ARHGAP42: variants seen among roughly 807,000 people sequenced by gnomAD.
The protein encoded by ARHGAP42 is rho GTPase-activating protein 42.
Under a neutral mutation model 125.0 loss-of-function variants are expected in ARHGAP42, and 63 were observed. The observed-to-expected ratio is 0.50, with a 90% CI of 0.41 to 0.62. ARHGAP42 has a LOEUF of 0.62. Ranked by LOEUF, ARHGAP42 falls within the 20% of genes least tolerant of loss-of-function variation. The pLI is 0.00. For missense variants in ARHGAP42, 766 were observed against 1,024.2 expected, an observed-to-expected ratio of 0.75 and a Z score of 3.44; for synonymous variants, 339 against 351.0, an observed-to-expected ratio of 0.97 and a Z score of 0.38.
At chr11:100,813,641 G>A (rs945353427) in intron 3 of ARHGAP42, among the ~76,000 whole-genome samples, 3 of 152,104 alleles carry the variant, frequency 2.0e-5, no homozygotes, top group African/African-American at 7.2e-5. Flanking sequence ...TCCAGGGTCC[G>A]CCATGTGGTT....
At chr11:100,781,343 G>A (rs993968844) in intron 2 of ARHGAP42, among the ~76,000 whole-genome samples, 1 of 151,794 alleles carries the variant, frequency 6.6e-6, no homozygotes, top group Non-Finnish European at 1.5e-5. Context: ...TGTTGGCTTG[G>A]TTTCCCAAAT....
chr11:100,952,120 A>G lies in ARHGAP42; in HGVS notation c.1162+2164A>G, dbSNP rs181134186. Among the ~76,000 whole-genome samples the G allele has an allele frequency of 4.3e-3, 658 of 152,300 alleles. 4 individuals are homozygous for G. Among genetic ancestry groups the G allele is most frequent in the Non-Finnish European group, 7.7e-3 (527 of 68,018 alleles). On this transcript the variant is annotated intron_variant, in intron 12 of 23. Transcript: ENST00000298815. ...TTTAATATTTGATTTATTTTAAGCC[A>G]TATTTTTACTTGAAGCCTGTTTTTA...
chr11:100,913,598 T>G, intron 5 of ARHGAP42, 45 bp downstream of exon 5: 1 of 1,083,298 alleles, frequency 9.2e-7, no homozygotes, highest in Non-Finnish European at 1.2e-6. Flanking sequence ...TTAAGTCATA[T>G]AAAGTCAAAA....
intron 1 of ARHGAP42, among the ~76,000 whole-genome samples, chr11:100,767,375 C>G (rs916534462): frequency 6.6e-6 from 1 of 152,168 alleles, no homozygotes; most frequent in Non-Finnish European, 1.5e-5. Context: ...AATTCTAACC[C>G]AGTTAATCTG....
chr11:100,731,281 C>T (rs995698188), intron 1 of ARHGAP42, among the ~76,000 whole-genome samples: 2 of 152,020 alleles, frequency 1.3e-5, no homozygotes, highest in Non-Finnish European at 2.9e-5. Flanking sequence ...GCCTCAGCCT[C>T]CCGAGTAGCT....
chr11:100,895,248 C>T (rs1866322474), intron 4 of ARHGAP42, among the ~76,000 whole-genome samples: 1 of 152,038 alleles, frequency 6.6e-6, no homozygotes. Context: ...CATTCATTCA[C>T]CAGTCCTTTT....
At position 100,927,202 on chromosome 11, in the gene ARHGAP42, T is replaced by C. The variant is rs188272967; in HGVS notation, c.597+5598T>C. Among the ~76,000 whole-genome samples, 24 of 152,342 alleles carry C rather than the reference T, an allele frequency of 1.6e-4. No homozygotes were observed. The East Asian group carries it at 3.7e-3, about 23-fold the overall frequency. ...AGCTTAAATAATTTTGAGATTGAAA[T>C]GCTACTGGCTAAGTCTTTTTTAAAA... On this transcript the variant is annotated intron_variant, in intron 6 of 23. Transcript: ENST00000298815.
Position 100,914,234 on chromosome 11 carries a change from C to T in ARHGAP42, c.486+681C>T, listed in dbSNP as rs139377382. Among the ~76,000 whole-genome samples, 91 of 152,216 alleles carry T rather than the reference C, an allele frequency of 6.0e-4. 2 individuals are homozygous for T. The East Asian group carries it at 0.013, about 21-fold the overall frequency. ...ACAGGCATGAACCACTGTGCCCCAC[C>T]GCTACATGTTTTAAAATCTCAATTA... On this transcript the variant is annotated intron_variant, in intron 5 of 23. Coordinates refer to ENST00000298815, the MANE Select transcript of ARHGAP42 (RefSeq NM_152432.4).
intron 9 of ARHGAP42, among the ~76,000 whole-genome samples, chr11:100,942,220 T>G (rs775887743): frequency 6.6e-6 from 1 of 152,130 alleles, no homozygotes; most frequent in Non-Finnish European, 1.5e-5. Context: ...TGTCAGTGGC[T>G]GGAACAGGCT....
chr11:100,992,296 C>T lies in ARHGAP42; in HGVS notation c.*3495C>T, dbSNP rs762850868. 1.9e-6 allele frequency: 3 copies of T among 1,569,378 alleles called. No individual in the cohort carries two copies. Among genetic ancestry groups the T allele is most frequent in the Admixed American group, 1.9e-5 (1 of 51,316 alleles). On this transcript the variant is annotated 3_prime_UTR_variant, in exon 24 of 24. Coordinates refer to ENST00000298815, the MANE Select transcript of ARHGAP42 (RefSeq NM_152432.4). ...TTGCTTTTATGATACATTTGTAACT[C>T]ACAGCTGTTAGCATGACCTCACATC...
intron 6 of ARHGAP42, among the ~76,000 whole-genome samples, chr11:100,924,161 G>T (rs955062402): frequency 1.3e-5 from 2 of 151,992 alleles, no homozygotes; most frequent in East Asian, 3.9e-4. Context: ...TAACAAATAA[G>T]CATTAGAGTA....
intron 3 of ARHGAP42, among the ~76,000 whole-genome samples, chr11:100,809,366 T>C (rs942742367): frequency 4.6e-5 from 7 of 152,236 alleles, no homozygotes; most frequent in Non-Finnish European, 1.0e-4. Context: ...GCATAGACTT[T>C]CCTTTGAATA....
chr11:100,869,492 C>G (rs1865650996), intron 4 of ARHGAP42, among the ~76,000 whole-genome samples: 1 of 151,726 alleles, frequency 6.6e-6, no homozygotes, highest in Non-Finnish European at 1.5e-5. Flanking sequence ...TCCATTAACA[C>G]CAATGGAGAA....
chr11:100,914,001 C>T (rs965029340), intron 5 of ARHGAP42, among the ~76,000 whole-genome samples: 4 of 152,156 alleles, frequency 2.6e-5, no homozygotes, highest in African/African-American at 9.7e-5. Flanking sequence ...GTGGTGCACT[C>T]TCAGCTCACT....
intron 1 of ARHGAP42, among the ~76,000 whole-genome samples, chr11:100,729,316 T>C (rs1861915893): frequency 6.6e-6 from 1 of 151,780 alleles, no homozygotes; most frequent in East Asian, 1.9e-4. Flanking sequence ...TTAGTAATTA[T>C]TAATTTATAT....
chr11:100,796,091 C>T (rs1863704172), intron 3 of ARHGAP42, among the ~76,000 whole-genome samples: 1 of 151,904 alleles, frequency 6.6e-6, no homozygotes, highest in Admixed American at 6.6e-5. Context: ...TTTTGGTAAC[C>T]TGCATTGAGC....
chr11:100,701,403 G>C (rs190306793), intron 1 of ARHGAP42, among the ~76,000 whole-genome samples: 2 of 152,288 alleles, frequency 1.3e-5, no homozygotes, highest in East Asian at 3.9e-4. Context: ...CTCCTCTGTA[G>C]CTATGAAAGT....
At chr11:100,944,329 C>T (rs755070536) in intron 10 of ARHGAP42, among the ~76,000 whole-genome samples, 6 of 151,990 alleles carry the variant, frequency 3.9e-5, no homozygotes, top group Non-Finnish European at 8.8e-5. Context: ...AGCACTGTTC[C>T]GGGTATTCTT....
At chr11:100,745,065 T>C (rs1862270567) in intron 1 of ARHGAP42, among the ~76,000 whole-genome samples, 1 of 152,132 alleles carries the variant, frequency 6.6e-6, no homozygotes, top group African/African-American at 2.4e-5. Context: ...TAAATGGTTA[T>C]GGCAGAGCAA....
Sources: gnomAD v4.1 joint callset for allele counts (sites outside exome capture counted in the v4.1 genomes callset) on GRCh38, gnomAD v4.1.1 for gene constraint, MANE v1.5 for transcripts, NCBI Gene and HGNC (gene_info 2026-07-23, HGNC 2026-07-21) for gene names.